The following SLC6A11 variants were observed in gnomAD, a reference collection of about 807,000 sequenced individuals.
SLC6A11 encodes the protein sodium- and chloride-dependent GABA transporter 3.
SLC6A11 carries 25 observed loss-of-function variants against 74.8 expected under a neutral mutation model. The ratio of observed to expected loss-of-function variants is 0.33; its 90% confidence interval spans 0.24 to 0.47. The LOEUF (loss-of-function observed/expected upper bound fraction) is 0.47, where lower values mean the gene tolerates loss of function less well. SLC6A11 is among the 20% of genes least tolerant of loss of function. SLC6A11 has a pLI of 1.00. For synonymous variants in SLC6A11, 330 were observed against 330.2 expected (o/e 1.00, Z 0.01); for missense variants, 574 against 837.0 (o/e 0.69, Z 3.88).
chr3:10,878,058 G>A (rs367545770), intron 6 of SLC6A11, among the ~76,000 whole-genome samples: 2 of 152,246 alleles, frequency 1.3e-5, no homozygotes, highest in Middle Eastern at 6.8e-3. Context: ...ATGGCTCCTT[G>A]ACCATCTAGG....
At chr3:10,869,608 G>C (rs1262008876) in intron 5 of SLC6A11, among the ~76,000 whole-genome samples, 1 of 152,250 alleles carries the variant, frequency 6.6e-6, no homozygotes, top group Admixed American at 6.5e-5. Context: ...AGGGAACCTG[G>C]TAGTCTGGGG....
chr3:10,873,548 T>TCCTACCCTACCCTACCCTAC (rs1178459471), intron 5 of SLC6A11, among the ~76,000 whole-genome samples: 1 of 139,266 alleles, frequency 7.2e-6, no homozygotes, highest in Admixed American at 7.0e-5. Flanking sequence ...TCCTATCCTA[T>TCCTACCCTACCCTACCCTAC]CCTACCCTAC....
chr3:10,922,373 T>C (rs1032252477), intron 8 of SLC6A11, among the ~76,000 whole-genome samples: 3 of 152,120 alleles, frequency 2.0e-5, no homozygotes, highest in Non-Finnish European at 4.4e-5. Flanking sequence ...CAATATAAAA[T>C]AATCAAGAAA....
intron 6 of SLC6A11, among the ~76,000 whole-genome samples, chr3:10,900,275 G>A (rs1336954291): frequency 2.0e-5 from 3 of 152,176 alleles, no homozygotes; most frequent in Non-Finnish European, 2.9e-5. Flanking sequence ...AGGACTCGGT[G>A]TGAGCTTTGA....
intron 8 of SLC6A11, among the ~76,000 whole-genome samples, chr3:10,924,949 A>G (rs1279950640): frequency 2.0e-5 from 3 of 152,240 alleles, no homozygotes; most frequent in Admixed American, 2.0e-4. Context: ...CGTTAAACAT[A>G]TGATTGCCAT....
intron 1 of SLC6A11, among the ~76,000 whole-genome samples, chr3:10,819,055 C>T (rs1694101183): frequency 2.6e-5 from 4 of 152,186 alleles, no homozygotes; most frequent in Non-Finnish European, 4.4e-5. Flanking sequence ...GGGTGCCCCT[C>T]ACCTGGTCTG....
At chr3:10,929,931 C>A (rs56013406) in intron 10 of SLC6A11, among the ~76,000 whole-genome samples, 2,848 of 152,244 alleles carry the variant, frequency 0.019, 93 homozygotes, top group African/African-American at 0.065. Context: ...CATAGCCATC[C>A]TGTCAAATAA....
intron 4 of SLC6A11, chr3:10,824,109 T>C (rs1694173670): frequency 6.6e-6 from 1 of 152,428 alleles, no homozygotes; most frequent in South Asian, 2.1e-4. Flanking sequence ...GTTGTGTACA[T>C]TGCACACTGA....
At chr3:10,938,125 C>A in intron 13 of SLC6A11, 125 bp from the exon 14 acceptor site, 1 of 876,124 alleles carries the variant, frequency 1.1e-6, no homozygotes, top group Non-Finnish European at 1.7e-6. Flanking sequence ...CAAGCTGGGG[C>A]CCGGACCTTG....
intron 8 of SLC6A11, among the ~76,000 whole-genome samples, chr3:10,920,657 C>T (rs1695525371): frequency 6.6e-6 from 1 of 152,232 alleles, no homozygotes; most frequent in African/African-American, 2.4e-5. Context: ...GCTGTGCAGA[C>T]TATGCCCTGC....
chr3:10,911,963 G>A, intron 6 of SLC6A11, 127 bp from the exon 7 acceptor site: 1 of 710,216 alleles, frequency 1.4e-6, no homozygotes, highest in Admixed American at 2.1e-5. Flanking sequence ...AGGTTAGGAA[G>A]TTTAATTATC....
intron 6 of SLC6A11, among the ~76,000 whole-genome samples, chr3:10,887,745 AACAG>A (rs1695062434): frequency 6.6e-6 from 1 of 152,146 alleles, no homozygotes; most frequent in Admixed American, 6.5e-5. Flanking sequence ...GCCCTGCTGA[AACAG>A]ACAGTCTTTG....
chr3:10,916,606 C>T (rs1275065079), intron 7 of SLC6A11, among the ~76,000 whole-genome samples: 1 of 152,230 alleles, frequency 6.6e-6, no homozygotes, highest in Non-Finnish European at 1.5e-5. Context: ...CAAATCCAAT[C>T]ATGCAAGCCC....
At position 10,914,645 on chromosome 3, in the gene SLC6A11, G is replaced by A. The variant is rs184193305; in HGVS notation, c.995+2452G>A. On this transcript the variant is annotated intron_variant, in intron 7 of 13. Transcript: ENST00000254488. ...GACAGAGCAGGCTGTCCAGAAGAAG[G>A]CATCTAGTTTTGTGGAGGATGTGGG... 2.6e-4 allele frequency among the ~76,000 whole-genome samples: 40 copies of A among 152,282 alleles called. No individual in the cohort carries two copies. The East Asian group carries it at 7.5e-3, about 29-fold the overall frequency.
intron 4 of SLC6A11, among the ~76,000 whole-genome samples, chr3:10,831,490 A>G (rs1694296553): frequency 1.3e-5 from 2 of 152,064 alleles, no homozygotes; most frequent in African/African-American, 4.8e-5. Flanking sequence ...GAGCTGTAGC[A>G]TGTTGTATAT....
intron 4 of SLC6A11, among the ~76,000 whole-genome samples, chr3:10,827,520 T>C (rs551468981): frequency 9.8e-5 from 15 of 152,320 alleles, no homozygotes; most frequent in Non-Finnish European, 1.0e-4. Context: ...CTTGTGTGGC[T>C]GGTTTGGTGG....
chr3:10,903,360 G>A (rs895793055), intron 6 of SLC6A11, among the ~76,000 whole-genome samples: 1 of 152,176 alleles, frequency 6.6e-6, no homozygotes, highest in Non-Finnish European at 1.5e-5. Context: ...ACCTTCATGG[G>A]TAGGCGGGAC....
At chr3:10,913,349 C>T (rs1213328775) in intron 7 of SLC6A11, among the ~76,000 whole-genome samples, 1 of 152,140 alleles carries the variant, frequency 6.6e-6, no homozygotes, top group African/African-American at 2.4e-5. Flanking sequence ...GAAAGAAACA[C>T]AAAAACTATT....
At chr3:10,887,298 T>TGATGGATGGATGGATG (rs113426564) in intron 6 of SLC6A11, among the ~76,000 whole-genome samples, 1 of 143,876 alleles carries the variant, frequency 7.0e-6, no homozygotes, top group African/African-American at 2.6e-5. Context: ...GATAAATGGA[T>TGATGGATGGATGGATG]GATGGATGGA....
Sources: allele counts gnomAD v4.1 joint callset (sites outside exome capture counted in the v4.1 genomes callset), GRCh38; gene constraint gnomAD v4.1.1; transcripts MANE v1.5; gene names NCBI Gene and HGNC (gene_info 2026-07-23, HGNC 2026-07-21).